ARHGEF12: variants seen among roughly 807,000 people sequenced by gnomAD.
ARHGEF12 encodes the protein Rho guanine nucleotide exchange factor 12.
In ARHGEF12, 66 loss-of-function variants were observed where a neutral mutation model predicts 211.2. That is an observed-to-expected ratio of 0.31 (90% CI 0.26 to 0.38). The LOEUF (loss-of-function observed/expected upper bound fraction) is 0.38. ARHGEF12 is among the 10% of genes least tolerant of loss of function. The pLI is 1.00. For synonymous variants in ARHGEF12, 592 were observed against 638.4 expected (o/e 0.93, Z 1.09); for missense variants, 1,429 against 1,869.5 (o/e 0.76, Z 4.34).
chr11:120,465,207 T>G, intron 27 of ARHGEF12, 30 bp from the exon 28 acceptor site: 1 of 1,612,138 alleles, frequency 6.2e-7, no homozygotes, highest in Non-Finnish European at 8.5e-7. Context: ...TTTCCCATTC[T>G]CTTTTGTGTT....
intron 1 of ARHGEF12, among the ~76,000 whole-genome samples, chr11:120,403,588 A>G (rs1944606816): frequency 6.6e-6 from 1 of 152,040 alleles, no homozygotes; most frequent in African/African-American, 2.4e-5. Flanking sequence ...TGCTTTATTA[A>G]TCATCGTTCT....
intron 22 of ARHGEF12, among the ~76,000 whole-genome samples, chr11:120,455,831 G>T (rs914626668): frequency 2.6e-5 from 4 of 152,144 alleles, no homozygotes; most frequent in Non-Finnish European, 4.4e-5. Context: ...ATATAACTTT[G>T]ACAGCAATAA....
chr11:120,381,428 G>C (rs1943874743), intron 1 of ARHGEF12, among the ~76,000 whole-genome samples: 1 of 152,084 alleles, frequency 6.6e-6, no homozygotes, highest in South Asian at 2.1e-4. Context: ...AGCAAATTTA[G>C]AATTATTACC....
At chr11:120,462,327 A>G (rs981750791) in intron 27 of ARHGEF12, among the ~76,000 whole-genome samples, 1 of 152,200 alleles carries the variant, frequency 6.6e-6, no homozygotes, top group Non-Finnish European at 1.5e-5. Flanking sequence ...ACATTTTTCC[A>G]TTAGGTTTGC....
chr11:120,373,497 G>C (rs1565436309), intron 1 of ARHGEF12, among the ~76,000 whole-genome samples: 1 of 152,156 alleles, frequency 6.6e-6, no homozygotes, highest in East Asian at 1.9e-4. Context: ...CTAGAACAGT[G>C]CCTGCACATA....
chr11:120,448,867 A>G (rs1946123692), intron 20 of ARHGEF12: 1 of 424,206 alleles, frequency 2.4e-6, no homozygotes, highest in East Asian at 3.8e-5. Context: ...TGTGCTATAA[A>G]ACTACCCTTT....
Position 120,481,339 on chromosome 11 carries a change from G to A in ARHGEF12, c.4317G>A (p.Leu1439=). 6.2e-7 allele frequency: 1 copy of A among 1,614,124 alleles called. No homozygotes were observed. Among genetic ancestry groups the A allele is most frequent in the Non-Finnish European group, 8.5e-7 (1 of 1,180,008 alleles). ...TDEEVASSLT[L]QPMTGIPAVE... ...AGGAGGTTGCTTCCTCACTTACCCT[G>A]CAGCCCATGACAGGCATCCCTGCTG... is the stretch of plus-strand genomic sequence containing the variant. The change falls in exon 39 of 41, where the codon CTG becomes CTA. Residue 1439 remains leucine (L), a synonymous_variant. Coordinates refer to ENST00000397843, the MANE Select transcript of ARHGEF12 (RefSeq NM_015313.3).
chr11:120,437,407 T>C (rs761084303), intron 12 of ARHGEF12, 25 bp downstream of exon 12: 3 of 1,578,736 alleles, frequency 1.9e-6, no homozygotes, highest in East Asian at 2.3e-5. Flanking sequence ...CATGCAATGA[T>C]AGTGCTGTCT....
intron 15 of ARHGEF12, among the ~76,000 whole-genome samples, chr11:120,443,309 C>T (rs546113006): frequency 1.3e-4 from 20 of 152,092 alleles, no homozygotes; most frequent in Non-Finnish European, 2.1e-4. Flanking sequence ...CATGAGCCAC[C>T]GCACCTGGCC....
In ARHGEF12 at chr11:120,404,908, C is replaced by T. The variant is rs150270440; in HGVS notation, c.33-1210C>T. Among the ~76,000 whole-genome samples the T allele has an allele frequency of 2.7e-3, 404 of 152,302 alleles. 5 individuals carry two copies. The highest frequency in any genetic ancestry group is 0.02 in the Admixed American group (305 of 15,296). On this transcript the variant is annotated intron_variant, in intron 1 of 40. Coordinates refer to ENST00000397843, the MANE Select transcript of ARHGEF12 (RefSeq NM_015313.3). ...TAGGAACTCCTATTTCTGAAGATTT[C>T]GTGGTCTTTTGTAAAGTCAGTTTGT... is the stretch of plus-strand genomic sequence containing the variant.
At chr11:120,432,561 C>G (rs1945579833) in intron 11 of ARHGEF12, among the ~76,000 whole-genome samples, 1 of 152,160 alleles carries the variant, frequency 6.6e-6, no homozygotes, top group South Asian at 2.1e-4. Flanking sequence ...AAATGTAGAT[C>G]ACCCTCTTTA....
At chr11:120,428,270 G>GT (rs1565473914) in intron 8 of ARHGEF12, 23 bp downstream of exon 8, 1 of 1,546,834 alleles carries the variant, frequency 6.5e-7, no homozygotes, top group African/African-American at 1.4e-5. Flanking sequence ...AAATTTCTTA[G>GT]TTAAATGCTC....
chr11:120,427,538 A>T (rs1945382260), intron 7 of ARHGEF12, among the ~76,000 whole-genome samples: 1 of 138,062 alleles, frequency 7.2e-6, no homozygotes, highest in South Asian at 3.1e-4. Context: ...CCCTATCTTT[A>T]AAAAAAAAAA....
intron 30 of ARHGEF12, 121 bp from the exon 31 acceptor site, chr11:120,472,929 A>G: frequency 2.6e-6 from 2 of 783,164 alleles, no homozygotes; most frequent in South Asian, 1.4e-5. Flanking sequence ...TGCTGAGATT[A>G]CAGGTGTGAG....
intron 2 of ARHGEF12, among the ~76,000 whole-genome samples, chr11:120,407,505 G>T (rs944112262): frequency 3.3e-5 from 5 of 152,078 alleles, no homozygotes; most frequent in African/African-American, 1.2e-4. Context: ...GAGAATAAAA[G>T]AGACTTTAAT....
At chr11:120,412,314 T>C (rs1480228374) in intron 4 of ARHGEF12, among the ~76,000 whole-genome samples, 4 of 152,238 alleles carry the variant, frequency 2.6e-5, no homozygotes, top group African/African-American at 7.2e-5. Flanking sequence ...ATAAGTTATG[T>C]CTTTTTAAAG....
At chr11:120,376,184 A>G (rs1178073241) in intron 1 of ARHGEF12, among the ~76,000 whole-genome samples, 1 of 152,004 alleles carries the variant, frequency 6.6e-6, no homozygotes, top group African/African-American at 2.4e-5. Context: ...GTTATTAAAT[A>G]AATCATCATA....
At chr11:120,376,926 C>CAT (rs1943743944) in intron 1 of ARHGEF12, among the ~76,000 whole-genome samples, 1 of 152,174 alleles carries the variant, frequency 6.6e-6, no homozygotes, top group African/African-American at 2.4e-5. Flanking sequence ...TTTCACTTAA[C>CAT]ATAATGACCT....
At chr11:120,378,233 A>T (rs1345791450) in intron 1 of ARHGEF12, among the ~76,000 whole-genome samples, 1 of 151,796 alleles carries the variant, frequency 6.6e-6, no homozygotes, top group Non-Finnish European at 1.5e-5. Flanking sequence ...ATGGCATCTC[A>T]CTCTACTTTT....
Sources: gnomAD v4.1 joint callset for allele counts (sites outside exome capture counted in the v4.1 genomes callset) on GRCh38, gnomAD v4.1.1 for gene constraint, MANE v1.5 for transcripts, NCBI Gene and HGNC (gene_info 2026-07-23, HGNC 2026-07-21) for gene names.